SKOR2: variants seen among roughly 807,000 people sequenced by gnomAD.
SKOR2 encodes LBX1 corepressor 1-like protein.
A neutral mutation model predicts 69.1 loss-of-function variants in SKOR2; 47 were observed. The observed-to-expected ratio is 0.68, with a 90% CI of 0.54 to 0.87. SKOR2 has a LOEUF of 0.87. Ranked by LOEUF, SKOR2 falls within the 40% of genes least tolerant of loss-of-function variation. SKOR2 has a pLI of 0.00. For missense variants in SKOR2, 1,404 were observed against 1,472.2 expected, an observed-to-expected ratio of 0.95 and a Z score of 0.76; for synonymous variants, 717 against 672.6, an observed-to-expected ratio of 1.07 and a Z score of -1.02.
Position 47,248,357 on chromosome 18 carries a change from A to G in SKOR2, c.827T>C (p.Leu276Pro), listed in dbSNP as rs903371539. 1 of 1,271,114 alleles carries G rather than the reference A, an allele frequency of 7.9e-7. No individual in the cohort carries two copies. The highest frequency in any genetic ancestry group is 9.8e-7 in the Non-Finnish European group (1 of 1,017,480). 78.7% of individuals were successfully genotyped at this position (1,271,114 alleles called of 1,614,324 possible). ...AAAAVAGGGG[L>P]LGPHLLGAPP... ...CGCACCCAGCAGGTGGGGGCCCAGC[A>G]GACCCCCGCCTCCGGCCACCGCGGC... Residue 276 changes from leucine to proline, a missense_variant, in exon 2 of 9, where the codon CTG becomes CCG. This residue lies in a region of SKOR2 where 1,266 missense variants were observed against 1,309.9 expected (regional missense o/e 0.97). Coordinates refer to ENST00000425639, the MANE Select transcript of SKOR2 (RefSeq NM_001278063.4). This position sits in a 1 kb window ranked among gnomAD's most constrained non-coding sequence, Gnocchi z 6.4.
chr18:47,250,149 G>T (rs1236552755), intron 1 of SKOR2, among the ~76,000 whole-genome samples: 1 of 152,172 alleles, frequency 6.6e-6, no homozygotes, highest in Non-Finnish European at 1.5e-5. Flanking sequence ...AGCTTGATGT[G>T]AACCACCTTC....
At position 47,218,214 on chromosome 18, in the gene SKOR2, C is replaced by T. The variant is rs1238702720; in HGVS notation, c.2985+1729G>A. On this transcript the variant is annotated intron_variant, in intron 7 of 8. Transcript: ENST00000425639. ...GAAATACTGTTTCCTTTCCTAATGC[C>T]CATTTTGCTATACTCACCACCACCC... Among the ~76,000 whole-genome samples, 3 of 151,970 alleles carry T rather than the reference C, an allele frequency of 2.0e-5. No homozygotes were observed. The South Asian group carries it at 6.2e-4, about 32-fold the overall frequency.
intron 4 of SKOR2, among the ~76,000 whole-genome samples, chr18:47,232,484 T>C (rs1279305716): frequency 6.6e-6 from 1 of 152,218 alleles, no homozygotes; most frequent in Non-Finnish European, 1.5e-5. Flanking sequence ...AATCAAGCTT[T>C]TCATTTCTGT....
chr18:47,221,751 T>C (rs2064162147), intron 6 of SKOR2, among the ~76,000 whole-genome samples: 1 of 152,192 alleles, frequency 6.6e-6, no homozygotes, highest in South Asian at 2.1e-4. Context: ...GATTAGTTGT[T>C]ATCCATCTGT....
In SKOR2 at chr18:47,247,411, C is replaced by G. The variant is rs765582228; in HGVS notation, c.1773G>C (p.Gly591=). The change falls in exon 2 of 9, where the codon GGG becomes GGC. Residue 591 remains glycine (G), a synonymous_variant. Transcript: ENST00000425639. The surrounding 1 kb of genome is among the most constrained non-coding windows in gnomAD (Gnocchi z 6.6). Reference sequence around the variant, plus strand: ...GAACCCGGGAGCCCGCGGGGCCAGACCCGGCGGCCGCGGCCCCTGCCCCGG... The same window carrying G: ...GAACCCGGGAGCCCGCGGGGCCAGAGCCGGCGGCCGCGGCCCCTGCCCCGG... ...AAAGAGAAAA[G]SGPAGSRVPA... The G allele has an allele frequency of 1.9e-3, 2,524 of 1,313,460 alleles. 3 individuals are homozygous for G. Among genetic ancestry groups the G allele is most frequent in the Middle Eastern group, 2.3e-3 (8 of 3,434 alleles). The allele number at this position is 1,313,460 out of a possible 1,614,324, so 81.4% of individuals were successfully genotyped here. A position where few individuals can be genotyped will look rare whatever the true frequency, so the allele number is the denominator to read the frequency against.
chr18:47,225,642 CACAA>C (rs1200478928), intron 6 of SKOR2, among the ~76,000 whole-genome samples: 1 of 152,046 alleles, frequency 6.6e-6, no homozygotes, highest in African/African-American at 2.4e-5. Flanking sequence ...TAGAAATGAA[CACAA>C]CAGGACTTCA....
rs186240615 is a variant in SKOR2, at chr18:47,215,367, T to A, written c.2986-3216A>T. Among the ~76,000 whole-genome samples the A allele has an allele frequency of 8.2e-3, 1,248 of 151,988 alleles. 9 individuals carry two copies. The highest frequency in any genetic ancestry group is 0.028 in the Admixed American group (433 of 15,242). On this transcript the variant is annotated intron_variant, in intron 7 of 8. Transcript: ENST00000425639. ...AGTAATGGTCCTATCTACCTTTTTT[T>A]AAAAAAAAGATGTAAGACATATTTT...
At position 47,247,376 on chromosome 18, in the gene SKOR2, T is replaced by G. The variant is rs1042959850; in HGVS notation, c.1808A>C (p.His603Pro). 7.1e-7 allele frequency: 1 copy of G among 1,412,286 alleles called. No homozygotes were observed. 87.5% of individuals were successfully genotyped at this position (1,412,286 alleles called of 1,614,324 possible). The change falls in exon 2 of 9, where the codon CAC (histidine) becomes CCC (proline). Residue 603 changes from histidine to proline, a missense_variant. Transcript: ENST00000425639. The surrounding 1 kb of genome is among the most constrained non-coding windows in gnomAD (Gnocchi z 6.6). The stretch of plus-strand genomic sequence containing the variant: ...GCGCCCCTCCAGAAGGTGCGGATGG[T>G]GGGGCGCCGGAACCCGGGAGCCCGC... Reference protein sequence around the residue: ...GPAGSRVPAPHHPHLLEGRKA... With the variant: ...GPAGSRVPAPPHPHLLEGRKA...
chr18:47,239,628 C>T (rs1021112807), intron 4 of SKOR2, among the ~76,000 whole-genome samples: 8 of 152,184 alleles, frequency 5.3e-5, no homozygotes, highest in Non-Finnish European at 8.8e-5. Flanking sequence ...TGAGTTAATG[C>T]TGTTTAATTT....
intron 4 of SKOR2, among the ~76,000 whole-genome samples, chr18:47,241,637 AC>A (rs767294787): frequency 4.0e-5 from 5 of 125,090 alleles, no homozygotes; most frequent in Non-Finnish European, 9.2e-5. Flanking sequence ...AAACAAACAA[AC>A]AAAAAAAAAA....
intron 1 of SKOR2, among the ~76,000 whole-genome samples, chr18:47,249,472 T>G (rs2064303355): frequency 6.6e-6 from 1 of 152,240 alleles, no homozygotes; most frequent in Admixed American, 6.5e-5. Context: ...CTATGTATTT[T>G]CCTCAAAAGC....
chr18:47,208,062 A>T (rs1263600083), intron 8 of SKOR2, among the ~76,000 whole-genome samples: 1 of 152,168 alleles, frequency 6.6e-6, no homozygotes, highest in African/African-American at 2.4e-5. Context: ...AGAGATTTTG[A>T]TCAGGTTTGG....
intron 7 of SKOR2, 47 bp from the exon 8 acceptor site, chr18:47,212,198 A>G: frequency 8.1e-7 from 1 of 1,229,498 alleles, no homozygotes; most frequent in Non-Finnish European, 1.0e-6. Flanking sequence ...CTAGATTTGG[A>G]GACAGATATG....
intron 4 of SKOR2, among the ~76,000 whole-genome samples, chr18:47,239,261 G>T (rs1452173323): frequency 6.6e-6 from 1 of 152,058 alleles, no homozygotes; most frequent in Non-Finnish European, 1.5e-5. Flanking sequence ...GTGGGATATA[G>T]ACTTCTAATT....
Position 47,248,878 on chromosome 18 carries a change from C to A in SKOR2, c.306G>T (p.Leu102=), listed in dbSNP as rs1472493125. The part of the protein sequence containing the change: ...VQCTPVQLEI[L]RRAGAMPISS... ...AGATGGGCATGGCCCCGGCACGCCG[C>A]AGGATCTCCAGTTGCACCGGCGTGC... Residue 102 remains leucine (L), a synonymous_variant, in exon 2 of 9, where the codon CTG becomes CTT. Transcript: ENST00000425639. The surrounding 1 kb of genome is among the most constrained non-coding windows in gnomAD (Gnocchi z 6.4). 6.4e-7 allele frequency: 1 copy of A among 1,566,754 alleles called. No homozygotes were observed. The highest frequency in any genetic ancestry group is 2.3e-5 in the East Asian group (1 of 43,004).
At chr18:47,226,126 G>A (rs2064177865) in intron 6 of SKOR2, among the ~76,000 whole-genome samples, 1 of 152,114 alleles carries the variant, frequency 6.6e-6, no homozygotes, top group African/African-American at 2.4e-5. Context: ...TAGGCTCTGA[G>A]GTTTTAAGAT....
intron 4 of SKOR2, among the ~76,000 whole-genome samples, chr18:47,241,521 C>A (rs983380180): frequency 2.0e-4 from 31 of 152,252 alleles, no homozygotes; most frequent in African/African-American, 7.2e-4. Flanking sequence ...TTTCTAAAAG[C>A]AATGGCAGCT....
intron 6 of SKOR2, among the ~76,000 whole-genome samples, chr18:47,224,026 C>T (rs2064170395): frequency 1.3e-5 from 2 of 151,946 alleles, no homozygotes; most frequent in African/African-American, 4.8e-5. Flanking sequence ...CTGCCTCAGC[C>T]TCCCGAGTAG....
chr18:47,238,080 C>A (rs1287967832), intron 4 of SKOR2, among the ~76,000 whole-genome samples: 1 of 152,054 alleles, frequency 6.6e-6, no homozygotes, highest in Non-Finnish European at 1.5e-5. Flanking sequence ...GAAGCATGGC[C>A]CCAGCCAGCA....
Sources: gnomAD v4.1 joint callset for allele counts (sites outside exome capture counted in the v4.1 genomes callset) on GRCh38, gnomAD v4.1.1 for gene constraint, gnomAD v4.1.1 regional missense constraint, Gnocchi (gnomAD v3.1) non-coding constraint, MANE v1.5 for transcripts, NCBI Gene and HGNC (gene_info 2026-07-23, HGNC 2026-07-21) for gene names.